PTK2: variants seen among roughly 807,000 people sequenced by gnomAD.
PTK2 encodes the protein protein tyrosine kinase 2.
In PTK2, 45 loss-of-function variants were observed where a neutral mutation model predicts 150.1. The ratio of observed to expected loss-of-function variants is 0.30; its 90% CI spans 0.24 to 0.38. PTK2 has a LOEUF of 0.38. Ranked by LOEUF, PTK2 falls within the 10% of genes least tolerant of loss-of-function variation. The pLI, the probability that PTK2 is intolerant of heterozygous loss-of-function variation, is 1.00. For synonymous variants in PTK2, 432 were observed against 449.2 expected (o/e 0.96, Z 0.48); for missense variants, 919 against 1,307.3 (o/e 0.70, Z 4.58).
chr8:140,964,160 TGTGGA>T (rs371224268), intron 1 of PTK2, among the ~76,000 whole-genome samples: 5,205 of 152,256 alleles, frequency 0.034, 301 homozygotes, highest in African/African-American at 0.12. Flanking sequence ...CTAAGACTGA[TGTGGA>T]TGCACCACCC....
At chr8:140,686,667 T>C (rs2100020055) in exon 27 of PTK2, 6 of 1,613,882 alleles carry the variant, frequency 3.7e-6, no homozygotes, top group East Asian at 2.2e-5. Flanking sequence ...CTGTCAATAC[T>C]GCCTCGAGAG....
chr8:140,899,003 C>T (rs1381211306), intron 2 of PTK2, among the ~76,000 whole-genome samples: 2 of 152,282 alleles, frequency 1.3e-5, no homozygotes, highest in African/African-American at 4.8e-5. Flanking sequence ...TTAAACTAAA[C>T]TGGTATAAAA....
intron 27 of PTK2, among the ~76,000 whole-genome samples, chr8:140,676,152 G>A (rs1482914530): frequency 1.3e-5 from 2 of 152,244 alleles, no homozygotes; most frequent in Admixed American, 6.5e-5. Flanking sequence ...CAAAATGGGC[G>A]ATAACCTTAG....
At chr8:140,688,876 A>C (rs1323631052) in intron 26 of PTK2, among the ~76,000 whole-genome samples, 1 of 152,234 alleles carries the variant, frequency 6.6e-6, no homozygotes, top group Non-Finnish European at 1.5e-5. Context: ...TGTGATATAT[A>C]TAACTAATGC....
chr8:140,941,979 C>A (rs539340519), intron 1 of PTK2, among the ~76,000 whole-genome samples: 1 of 152,058 alleles, frequency 6.6e-6, no homozygotes, highest in African/African-American at 2.4e-5. Context: ...GCTTGACCAC[C>A]CCCAGGTTCA....
In PTK2 at chr8:140,987,810, A is replaced by G. The variant is rs889949547; in HGVS notation, c.-122+13315T>C. On this transcript the variant is annotated intron_variant, in intron 1 of 31. Coordinates refer to ENST00000522684, the Ensembl canonical transcript of PTK2. ...ATGACCCCAGCACTTTGGAATGCCAAGACTGGAGGATTGCTTGAGCACAGG... is the reference window on the plus strand; with the variant it reads ...ATGACCCCAGCACTTTGGAATGCCAGGACTGGAGGATTGCTTGAGCACAGG... Among the ~76,000 whole-genome samples the G allele has an allele frequency of 4.6e-5, 7 of 152,242 alleles. No individual in the cohort carries two copies. In the East Asian group the frequency reaches 1.3e-3, roughly 29 times the overall value.
intron 16 of PTK2, among the ~76,000 whole-genome samples, chr8:140,757,518 C>G (rs1215665605): frequency 1.3e-5 from 2 of 151,948 alleles, no homozygotes; most frequent in African/African-American, 4.8e-5. Flanking sequence ...TATCTGTTAT[C>G]TTTGATTAAA....
chr8:140,755,780 A>AAGAATT lies in PTK2; in HGVS notation c.1333-3470_1333-3465dup, dbSNP rs559132884. 9.2e-5 allele frequency among the ~76,000 whole-genome samples: 14 copies of AAGAATT among 152,294 alleles called. 1 individual carries two copies. The South Asian group carries it at 1.5e-3, about 16-fold the overall frequency. The stretch of plus-strand genomic sequence containing the variant: ...CAGAAAATGATTACAAAATTGCTCA[A>AAGAATT]AGAATTAACTGAACCTTAAATAAAG... On this transcript the variant is annotated intron_variant, in intron 16 of 31. Transcript: ENST00000522684.
In PTK2 at chr8:140,669,839, A is replaced by C. The variant is rs187998669; in HGVS notation, c.2710-1415T>G. Reference sequence around the variant, plus strand: ...GGCATAAGACAAATCCCCCATAAAAACACATGAGCAGAACAAAAAGGAGCT... The same window carrying C: ...GGCATAAGACAAATCCCCCATAAAACCACATGAGCAGAACAAAAAGGAGCT... On this transcript the variant is annotated intron_variant, in intron 29 of 31. Coordinates refer to ENST00000522684, the Ensembl canonical transcript of PTK2. 466 of 1,289,264 alleles carry C rather than the reference A, an allele frequency of 3.6e-4. 3 individuals carry two copies. The African/African-American group carries it at 6.1e-3, about 17-fold the overall frequency. 79.9% of individuals were successfully genotyped at this position (1,289,264 alleles called of 1,614,324 possible). A position where few individuals can be genotyped will look rare whatever the true frequency, so the allele number is the denominator to read the frequency against.
chr8:140,795,024 C>T (rs964957079), intron 12 of PTK2, among the ~76,000 whole-genome samples: 2 of 152,176 alleles, frequency 1.3e-5, no homozygotes, highest in East Asian at 1.9e-4. Context: ...CCAATCCATA[C>T]CCAGTGCAGC....
intron 3 of PTK2, among the ~76,000 whole-genome samples, chr8:140,888,322 T>C (rs763407917): frequency 5.3e-5 from 8 of 152,232 alleles, no homozygotes; most frequent in Non-Finnish European, 1.2e-4. Context: ...AAGCATTCAA[T>C]GGAAGTTGGT....
intron 20 of PTK2, among the ~76,000 whole-genome samples, chr8:140,739,661 G>A (rs1001870343): frequency 1.1e-4 from 16 of 152,094 alleles, no homozygotes; most frequent in African/African-American, 3.6e-4. Context: ...ATTTCCTTTA[G>A]AAAAGGAGGC....
At chr8:140,708,662 A>G (rs1229149801) in intron 23 of PTK2, among the ~76,000 whole-genome samples, 1 of 152,152 alleles carries the variant, frequency 6.6e-6, no homozygotes, top group Non-Finnish European at 1.5e-5. Context: ...CACCCCAAAC[A>G]GGAAAAGGGT....
At chr8:140,977,161 G>A (rs1428872418) in intron 1 of PTK2, among the ~76,000 whole-genome samples, 3 of 152,108 alleles carry the variant, frequency 2.0e-5, no homozygotes, top group Admixed American at 2.0e-4. Context: ...AGGCCAAGGC[G>A]GGAAGACTGC....
Position 140,969,990 on chromosome 8 carries a change from T to G in PTK2, c.-122+31135A>C, listed in dbSNP as rs184904325. Among the ~76,000 whole-genome samples the G allele has an allele frequency of 3.2e-4, 48 of 152,350 alleles. 3 individuals are homozygous for G. The highest frequency in any genetic ancestry group is 1.1e-3 in the African/African-American group (47 of 41,580). ...GCACACTACCCTCTGGAGGCAGCTG[T>G]AGGCTGATGTGCTGGGAGAAAAAAA... On this transcript the variant is annotated intron_variant, in intron 1 of 31. Transcript: ENST00000522684.
rs553465456 is a variant in PTK2, at chr8:140,943,324, T to C, written c.-121-17575A>G. On this transcript the variant is annotated intron_variant, in intron 1 of 31. Transcript: ENST00000522684. ...AGATTTGACTTACCAAAATGTTATATAAATGAAATCACAGTTATATGGAGT... is the reference window on the plus strand; with the variant it reads ...AGATTTGACTTACCAAAATGTTATACAAATGAAATCACAGTTATATGGAGT... Among the ~76,000 whole-genome samples, 7 of 152,368 alleles carry C rather than the reference T, an allele frequency of 4.6e-5. No homozygotes were observed. The South Asian group carries it at 1.0e-3, about 23-fold the overall frequency.
intron 28 of PTK2, 65 bp from the exon 32 acceptor site, chr8:140,674,469 G>C (rs1426796466): frequency 2.1e-6 from 3 of 1,401,426 alleles, no homozygotes; most frequent in South Asian, 1.2e-5. Flanking sequence ...GCTGGGGGCA[G>C]TGGCTCATGC....
At chr8:140,837,270 T>G (rs2100119249) in intron 7 of PTK2, among the ~76,000 whole-genome samples, 1 of 152,014 alleles carries the variant, frequency 6.6e-6, no homozygotes, top group African/African-American at 2.4e-5. Flanking sequence ...TTCCTTTGCC[T>G]ACAAAAAAAG....
chr8:140,769,139 C>A (rs1177011950), intron 14 of PTK2, among the ~76,000 whole-genome samples: 2 of 152,120 alleles, frequency 1.3e-5, no homozygotes, highest in Admixed American at 1.3e-4. Flanking sequence ...TTCCCTAATT[C>A]CGTTAGTTTC....
Sources: allele counts gnomAD v4.1 joint callset (sites outside exome capture counted in the v4.1 genomes callset), GRCh38; gene constraint gnomAD v4.1.1; transcripts MANE v1.5; gene names NCBI Gene and HGNC (gene_info 2026-07-23, HGNC 2026-07-21).